LRRTM4: variants seen among roughly 807,000 people sequenced by gnomAD.
LRRTM4 encodes the protein leucine-rich repeat transmembrane neuronal protein 4.
LRRTM4 carries 25 observed loss-of-function variants against 47.6 expected under a neutral mutation model. The ratio of observed to expected loss-of-function variants is 0.53; its 90% confidence interval spans 0.38 to 0.73. LRRTM4 has a LOEUF of 0.73. LRRTM4 is among the 30% of genes least tolerant of loss of function. The probability of loss-of-function intolerance (pLI) is 0.00; values close to 1 mark genes in which losing one functional copy is unlikely to be tolerated. For missense variants in LRRTM4, 638 were observed against 713.4 expected (o/e 0.89, Z 1.20); for synonymous variants, 311 against 269.5 (o/e 1.15, Z -1.51).
intron 3 of LRRTM4, among the ~76,000 whole-genome samples, chr2:77,505,036 A>C (rs1678715391): frequency 6.6e-6 from 1 of 151,326 alleles, no homozygotes; most frequent in African/African-American, 2.4e-5. Flanking sequence ...AAAAAGATAA[A>C]TTATTAAATA....
intron 3 of LRRTM4, among the ~76,000 whole-genome samples, chr2:77,092,098 T>A (rs1205342903): frequency 2.0e-5 from 3 of 152,144 alleles, no homozygotes; most frequent in Non-Finnish European, 4.4e-5. Context: ...TCTCTACAGT[T>A]CTCATAACTT....
rs1447799981 is a variant in LRRTM4, at chr2:77,285,353, T to TATATATATATAC, written c.1551+232964_1551+232965insGTATATATATAT. Among the ~76,000 whole-genome samples, 34 of 142,110 alleles carry TATATATATATAC rather than the reference T, an allele frequency of 2.4e-4. 2 individuals are homozygous for TATATATATATAC. Among genetic ancestry groups the TATATATATATAC allele is most frequent in the African/African-American group, 7.6e-4 (30 of 39,510 alleles). 93.2% of individuals were successfully genotyped at this position (142,110 alleles called of 152,430 possible). On this transcript the variant is annotated intron_variant, in intron 3 of 3. Transcript: ENST00000409884. Reference sequence around the variant, plus strand: ...TCAGCATTAAATTTATATATATATATATATATATATGGCCAATAGAAATGC... The same window carrying TATATATATATAC: ...TCAGCATTAAATTTATATATATATATATATATATATACATATATATATGGCCAATAGAAATGC...
At chr2:76,985,744 C>T (rs888518023) in intron 3 of LRRTM4, among the ~76,000 whole-genome samples, 4 of 151,830 alleles carry the variant, frequency 2.6e-5, no homozygotes, top group South Asian at 2.1e-4. Context: ...AGCAAAACAC[C>T]GGCTTTTTTG....
intron 3 of LRRTM4, among the ~76,000 whole-genome samples, chr2:77,193,713 A>G: frequency 6.6e-6 from 1 of 152,188 alleles, no homozygotes; most frequent in East Asian, 1.9e-4. Flanking sequence ...AGGCAAGAGA[A>G]TCGCTTGAAG....
chr2:77,356,227 A>C (rs1254347083), intron 3 of LRRTM4, among the ~76,000 whole-genome samples: 1 of 152,230 alleles, frequency 6.6e-6, no homozygotes, highest in East Asian at 1.9e-4. Flanking sequence ...ATATTTTAGG[A>C]ATACTTATTA....
In LRRTM4 at chr2:77,107,952, C is replaced by A. The variant is rs551499507; in HGVS notation, c.1552-359036G>T. On this transcript the variant is annotated intron_variant, in intron 3 of 3. Transcript: ENST00000409884. ...GAAAATAACAAGGTAACACTACATA[C>A]TAAATATTAGATATGATGAAGTTTT... 1.1e-4 allele frequency among the ~76,000 whole-genome samples: 16 copies of A among 151,116 alleles called. 1 individual carries two copies. In the East Asian group the frequency reaches 3.1e-3, roughly 30 times the overall value.
rs111895800 is a variant in LRRTM4 at position 76,782,409 on chromosome 2, TG to T, written c.1552-33494del. On this transcript the variant is annotated intron_variant, in intron 3 of 3. Transcript: ENST00000409884. ...CCAGTATAACTAGTGGTGCTTTCTT[TG>T]GGGTCCCATGATGTTATTTAAGGTT... 3.1e-3 allele frequency among the ~76,000 whole-genome samples: 466 copies of T among 152,328 alleles called. 6 individuals carry two copies. The South Asian group carries it at 0.037, about 12-fold the overall frequency.
At chr2:77,361,839 T>C (rs550100766) in intron 3 of LRRTM4, among the ~76,000 whole-genome samples, 1 of 152,242 alleles carries the variant, frequency 6.6e-6, no homozygotes, top group African/African-American at 2.4e-5. Flanking sequence ...AGGTGACAAA[T>C]CTGAGATTCA....
intron 3 of LRRTM4, among the ~76,000 whole-genome samples, chr2:77,322,750 A>C (rs1270800908): frequency 1.3e-5 from 2 of 150,422 alleles, no homozygotes; most frequent in East Asian, 2.0e-4. Flanking sequence ...ACACAACTTT[A>C]AAAATCTATT....
At chr2:76,775,908 T>TCCCCCCA (rs1673959882) in intron 3 of LRRTM4, among the ~76,000 whole-genome samples, 1 of 60,992 alleles carries the variant, frequency 1.6e-5, no homozygotes, top group African/African-American at 5.9e-5. Context: ...CCCTCCCGCC[T>TCCCCCCA]CCCCCCACCC....
chr2:77,188,634 C>T (rs189251857), intron 3 of LRRTM4, among the ~76,000 whole-genome samples: 45 of 152,276 alleles, frequency 3.0e-4, no homozygotes, highest in African/African-American at 5.1e-4. Flanking sequence ...CAACCTCTTC[C>T]GCCACACTTG....
At chr2:77,283,738 G>T (rs185312618) in intron 3 of LRRTM4, among the ~76,000 whole-genome samples, 5 of 151,936 alleles carry the variant, frequency 3.3e-5, no homozygotes, top group African/African-American at 4.8e-5. Flanking sequence ...TCAAAATACC[G>T]CATGTTCTCA....
intron 3 of LRRTM4, among the ~76,000 whole-genome samples, chr2:76,935,583 A>G (rs1410754102): frequency 6.6e-6 from 1 of 152,130 alleles, no homozygotes; most frequent in Non-Finnish European, 1.5e-5. Context: ...TGTAAGTTGT[A>G]TTCCTAGGTA....
chr2:77,156,257 A>G (rs918146078), intron 3 of LRRTM4, among the ~76,000 whole-genome samples: 1 of 151,840 alleles, frequency 6.6e-6, no homozygotes, highest in African/African-American at 2.4e-5. Context: ...AACAGAATAA[A>G]AGCTATAAGA....
intron 3 of LRRTM4, among the ~76,000 whole-genome samples, chr2:76,974,247 T>G (rs1327051849): frequency 7.4e-6 from 1 of 134,698 alleles, no homozygotes; most frequent in African/African-American, 3.1e-5. Flanking sequence ...TATACATATA[T>G]ATATATACAC....
intron 3 of LRRTM4, among the ~76,000 whole-genome samples, chr2:76,974,602 T>TC (rs1676355623): frequency 2.0e-5 from 3 of 151,522 alleles, no homozygotes; most frequent in Admixed American, 1.3e-4. Context: ...CAAGTATATA[T>TC]CCACTTTCAT....
chr2:77,471,389 A>G (rs1371247335), intron 3 of LRRTM4, among the ~76,000 whole-genome samples: 1 of 152,170 alleles, frequency 6.6e-6, no homozygotes, highest in African/African-American at 2.4e-5. Flanking sequence ...CTCTGGAATA[A>G]CAATAGCCTC....
At chr2:76,832,953 G>C (rs1440476214) in intron 3 of LRRTM4, among the ~76,000 whole-genome samples, 1 of 152,080 alleles carries the variant, frequency 6.6e-6, no homozygotes, top group African/African-American at 2.4e-5. Context: ...TTGAGAAGGA[G>C]AGTATGGCAC....
rs186456662 is a variant in LRRTM4, at chr2:77,488,253, C to T, written c.1551+30065G>A. ...CGGTGCCAGCACTGGAAGCCACTTG[C>T]GGTACATCTGGTCCAACCACAGCCT... On this transcript the variant is annotated intron_variant, in intron 3 of 3. Transcript: ENST00000409884. Among the ~76,000 whole-genome samples the T allele has an allele frequency of 1.4e-3, 219 of 152,302 alleles. 1 individual carries two copies. Among genetic ancestry groups the T allele is most frequent in the Non-Finnish European group, 2.2e-3 (147 of 68,018 alleles).
Sources: allele counts gnomAD v4.1 joint callset (sites outside exome capture counted in the v4.1 genomes callset), GRCh38; gene constraint gnomAD v4.1.1; transcripts MANE v1.5; gene names NCBI Gene and HGNC (gene_info 2026-07-23, HGNC 2026-07-21).